Variants in BCLAF3 observed in about 807,000 individuals in gnomAD.
The protein encoded by BCLAF3 is transient octamer binding factor 1.
A neutral mutation model predicts 51.2 loss-of-function variants in BCLAF3; 24 were observed. The observed-to-expected ratio is 0.47, with a 90% CI of 0.34 to 0.66. The LOEUF (loss-of-function observed/expected upper bound fraction) is 0.66. Among genes scored for constraint, BCLAF3 ranks in the 30% least tolerant of loss-of-function variants. The pLI, the probability that BCLAF3 is intolerant of heterozygous loss-of-function variation, is 0.01. For missense variants in BCLAF3, 465 were observed against 525.1 expected (o/e 0.89, Z 1.12); for synonymous variants, 152 against 176.6 (o/e 0.86, Z 1.10).
At chrX:19,988,392 C>G (rs1248930167) in intron 1 of BCLAF3, among the ~76,000 whole-genome samples, 1 of 111,854 alleles carries the variant, frequency 8.9e-6, no homozygotes, top group Non-Finnish European at 1.9e-5. Context: ...CAAAGGGTAT[C>G]AGAGAATAGC....
chrX:19,945,198 A>G (rs1289435955), intron 8 of BCLAF3, among the ~76,000 whole-genome samples: 1 of 109,407 alleles, frequency 9.1e-6, no homozygotes, highest in East Asian at 2.8e-4. Context: ...AAAGTTTTCA[A>G]TTTCTTTGCC....
At chrX:19,932,525 A>ATTTTTTT (rs58949658) in intron 10 of BCLAF3, among the ~76,000 whole-genome samples, 6 of 77,408 alleles carry the variant, frequency 7.8e-5, no homozygotes, top group Admixed American at 1.5e-4. Context: ...ACAAGTCAAG[A>ATTTTTTT]TTTTTTTTTT....
At chrX:19,949,940 T>G (rs2071426283) in intron 8 of BCLAF3, among the ~76,000 whole-genome samples, 1 of 111,447 alleles carries the variant, frequency 9.0e-6, no homozygotes, top group African/African-American at 3.3e-5. Flanking sequence ...GTGAGTTCCA[T>G]CCACATGGTG....
chrX:19,924,438 AAC>A (rs1345318240), intron 11 of BCLAF3, among the ~76,000 whole-genome samples: 2 of 111,491 alleles, frequency 1.8e-5, no homozygotes, highest in African/African-American at 6.5e-5. Flanking sequence ...GCCCTTATGC[AAC>A]ACTTCCTTTG....
At chrX:19,939,118 G>A (rs1342936048) in intron 8 of BCLAF3, among the ~76,000 whole-genome samples, 3 of 111,947 alleles carry the variant, frequency 2.7e-5, no homozygotes, top group African/African-American at 9.7e-5. Context: ...TAGATCAAAA[G>A]AGTAAAGTGC....
chrX:19,982,537 A>G (rs1316642916), intron 1 of BCLAF3, among the ~76,000 whole-genome samples: 1 of 99,798 alleles, frequency 1.0e-5, no homozygotes, highest in Non-Finnish European at 2.0e-5. Flanking sequence ...CTTTGATTAC[A>G]TAGATGCAAT....
chrX:19,913,590 C>T lies in BCLAF3; in HGVS notation c.*3715G>A, dbSNP rs1372413844. The T allele has an allele frequency of 9.0e-6, 1 of 111,689 alleles. No individual in the cohort carries two copies. Among genetic ancestry groups the T allele is most frequent in the Non-Finnish European group, 1.9e-5 (1 of 53,085 alleles). 9.2% of individuals were successfully genotyped at this position (111,689 alleles called of 1,213,427 possible). A position where few individuals can be genotyped will look rare whatever the true frequency, so the allele number is the denominator to read the frequency against. On this transcript the variant is annotated 3_prime_UTR_variant, in exon 12 of 12. Coordinates refer to ENST00000379682, the MANE Select transcript of BCLAF3 (RefSeq NM_001367774.2). ...GGCCCCACCCCCAGGGTTTCTGATTCAGGAGGTCTGGGGTGGGGCCAAGAA... is the reference window on the plus strand; with the variant it reads ...GGCCCCACCCCCAGGGTTTCTGATTTAGGAGGTCTGGGGTGGGGCCAAGAA...
At chrX:19,976,737 A>G (rs1163105101) in intron 1 of BCLAF3, among the ~76,000 whole-genome samples, 1 of 111,976 alleles carries the variant, frequency 8.9e-6, no homozygotes, top group Middle Eastern at 4.2e-3. Flanking sequence ...CCAAAAAACC[A>G]TGAAGCAAAA....
chrX:19,935,532 G>C (rs1185797109), intron 10 of BCLAF3: 7 of 264,971 alleles, frequency 2.6e-5, no homozygotes, highest in Non-Finnish European at 4.0e-5. Flanking sequence ...TCCCCACCTA[G>C]AGTCACTCCA....
intron 10 of BCLAF3, among the ~76,000 whole-genome samples, chrX:19,932,033 G>A (rs778990591): frequency 1.2e-3 from 137 of 112,497 alleles, no homozygotes; most frequent in African/African-American, 4.1e-3. Flanking sequence ...GGGTCAGAAT[G>A]AAAGCTATGA....
intron 8 of BCLAF3, among the ~76,000 whole-genome samples, chrX:19,946,275 C>A (rs920528727): frequency 1.8e-5 from 2 of 112,324 alleles, no homozygotes; most frequent in African/African-American, 6.5e-5. Flanking sequence ...GGGCTGTTCC[C>A]ATTCGGCCAT....
intron 1 of BCLAF3, among the ~76,000 whole-genome samples, chrX:19,990,557 C>A (rs905898478): frequency 6.1e-4 from 69 of 113,569 alleles, no homozygotes; most frequent in Admixed American, 5.9e-3. Context: ...CCTTCCCGGC[C>A]CCCGCCCTCT....
chrX:19,978,000 T>C (rs1446659520), intron 1 of BCLAF3, among the ~76,000 whole-genome samples: 3 of 110,479 alleles, frequency 2.7e-5, no homozygotes, highest in Non-Finnish European at 5.7e-5. Context: ...TTAAGCCCAA[T>C]GTTGAGACCT....
intron 11 of BCLAF3, 42 bp from the exon 12 acceptor site, chrX:19,917,376 T>A (rs1164814502): frequency 6.4e-6 from 7 of 1,090,766 alleles, no homozygotes; most frequent in Non-Finnish European, 8.8e-6. Context: ...TCAAACAAAG[T>A]GTCAAACATC....
intron 11 of BCLAF3, among the ~76,000 whole-genome samples, chrX:19,927,245 TAA>T: frequency 9.0e-6 from 1 of 110,605 alleles, no homozygotes; most frequent in East Asian, 2.8e-4. Flanking sequence ...AATAAATAAA[TAA>T]AGAGATGGCT....
intron 4 of BCLAF3, among the ~76,000 whole-genome samples, chrX:19,956,027 CAAT>C (rs1175040874): frequency 9.0e-6 from 1 of 111,695 alleles, no homozygotes; most frequent in Non-Finnish European, 1.9e-5. Flanking sequence ...ATCTTTGTAT[CAAT>C]AATAAGAAGC....
intron 11 of BCLAF3, among the ~76,000 whole-genome samples, chrX:19,926,357 G>C (rs966850433): frequency 9.0e-5 from 10 of 111,402 alleles, no homozygotes; most frequent in Non-Finnish European, 1.7e-4. Flanking sequence ...ACCCGTAGCA[G>C]GCTGTAGCTT....
rs772887951 is a variant in BCLAF3 at position 19,970,386 on chromosome X, C to T, written c.-34-88G>A. On this transcript the variant is annotated intron_variant, in intron 1 of 11. Coordinates refer to ENST00000379682, the MANE Select transcript of BCLAF3 (RefSeq NM_001367774.2). ...GCGAATGCTGCCAATTGACTTAAAC[C>T]CTTTGTGCCTCAGCTTCCTCATCTC... 1,531 of 767,610 alleles carry T rather than the reference C, an allele frequency of 2.0e-3. 2 individuals carry two copies. Among genetic ancestry groups the T allele is most frequent in the Non-Finnish European group, 2.2e-3 (1,132 of 513,345 alleles). The allele number at this position is 767,610 out of a possible 1,213,427, so 63.3% of individuals were successfully genotyped here. A position where few individuals can be genotyped will look rare whatever the true frequency, so the allele number is the denominator to read the frequency against.
At chrX:19,935,601 GT>G in intron 10 of BCLAF3, 2 of 370,120 alleles carry the variant, frequency 5.4e-6, no homozygotes, top group Non-Finnish European at 9.4e-6. Flanking sequence ...GAATCTACTG[GT>G]AAAAAAAAAA....
Sources: allele counts gnomAD v4.1 joint callset (sites outside exome capture counted in the v4.1 genomes callset), GRCh38; gene constraint gnomAD v4.1.1; transcripts MANE v1.5; gene names NCBI Gene and HGNC (gene_info 2026-07-23, HGNC 2026-07-21).